Variants in ATXN1 observed in about 807,000 individuals in gnomAD.
The protein encoded by ATXN1 is ataxin 1.
Under a neutral mutation model 56.4 loss-of-function variants are expected in ATXN1, and 8 were observed. The ratio of observed to expected loss-of-function variants is 0.14; its 90% CI spans 0.08 to 0.26. The LOEUF is 0.26. Among genes scored for constraint, ATXN1 ranks in the 10% least tolerant of loss-of-function variants. The probability of loss-of-function intolerance (pLI) is 1.00; values close to 1 mark genes in which losing one functional copy is unlikely to be tolerated. For synonymous variants in ATXN1, 514 were observed against 494.6 expected (o/e 1.04, Z -0.52); for missense variants, 987 against 1,106.5 (o/e 0.89, Z 1.53).
At chr6:16,616,187 A>G (rs1005766254) in intron 3 of ATXN1, 1 of 152,154 alleles carries the variant, frequency 6.6e-6, no homozygotes, top group African/African-American at 2.4e-5. Context: ...TGGAAATGTT[A>G]TTGTCTACTT....
At chr6:16,619,906 A>C (rs1417899573) in intron 3 of ATXN1, among the ~76,000 whole-genome samples, 6 of 151,516 alleles carry the variant, frequency 4.0e-5, no homozygotes, top group Non-Finnish European at 7.4e-5. Flanking sequence ...AAAAAAAAAA[A>C]CATAGCTCTA....
intron 2 of ATXN1, among the ~76,000 whole-genome samples, chr6:16,674,797 T>C (rs921668894): frequency 2.6e-5 from 4 of 152,066 alleles, no homozygotes; most frequent in Admixed American, 6.6e-5. Context: ...AAACAGATGG[T>C]TTGGAATGAG....
chr6:16,568,664 T>G (rs1263061461), intron 4 of ATXN1, among the ~76,000 whole-genome samples: 2 of 48,390 alleles, frequency 4.1e-5, no homozygotes, highest in South Asian at 3.8e-3. Flanking sequence ...ACAACCAAAG[T>G]TTTTTTTTTC....
At chr6:16,309,782 C>G (rs1450123671) in intron 7 of ATXN1, among the ~76,000 whole-genome samples, 2 of 151,994 alleles carry the variant, frequency 1.3e-5, no homozygotes, top group African/African-American at 2.4e-5. Flanking sequence ...GCCTGTAATC[C>G]CAGCACTTTG....
chr6:16,515,352 C>A (rs187827803), intron 5 of ATXN1, among the ~76,000 whole-genome samples: 1 of 152,102 alleles, frequency 6.6e-6, no homozygotes, highest in Non-Finnish European at 1.5e-5. Flanking sequence ...TGACTGCCAA[C>A]CCCCAGTTCA....
intron 1 of ATXN1, among the ~76,000 whole-genome samples, chr6:16,757,224 G>A (rs1760913052): frequency 6.6e-6 from 1 of 152,202 alleles, no homozygotes; most frequent in Non-Finnish European, 1.5e-5. Context: ...TTGACAAAGT[G>A]TCACTTCTGT....
intron 6 of ATXN1, among the ~76,000 whole-genome samples, chr6:16,348,419 G>A (rs72840246): frequency 2.6e-5 from 4 of 152,012 alleles, no homozygotes; most frequent in African/African-American, 9.7e-5. Flanking sequence ...ATAGTATGGC[G>A]AGGCACGGTG....
At position 16,448,204 on chromosome 6, in the gene ATXN1, G is replaced by A. The variant is rs144861023; in HGVS notation, c.-161+37768C>T. ...CCCTATGTTCTGCTCCAGCATAGTGGCCTCCACACTCCCTTCCACATCCAG... is the reference window on the plus strand; with the variant it reads ...CCCTATGTTCTGCTCCAGCATAGTGACCTCCACACTCCCTTCCACATCCAG... On this transcript the variant is annotated intron_variant, in intron 6 of 7. Coordinates refer to ENST00000436367, the MANE Select transcript of ATXN1 (RefSeq NM_001128164.2). 3.0e-3 allele frequency among the ~76,000 whole-genome samples: 455 copies of A among 152,100 alleles called. 2 individuals are homozygous for A. The highest frequency in any genetic ancestry group is 9.9e-3 in the African/African-American group (409 of 41,482).
At chr6:16,594,487 A>AT (rs1233662249) in intron 3 of ATXN1, among the ~76,000 whole-genome samples, 49 of 126,932 alleles carry the variant, frequency 3.9e-4, no homozygotes, top group African/African-American at 1.5e-3. Flanking sequence ...TTTTTTTTTT[A>AT]TTTATTTATT....
intron 4 of ATXN1, among the ~76,000 whole-genome samples, chr6:16,581,195 CTGTGTGTGTGTGTG>C (rs60028007): frequency 4.3e-5 from 6 of 140,160 alleles, no homozygotes; most frequent in Admixed American, 1.4e-4. Context: ...CGAGAATGCA[CTGTGTGTGTGTGTG>C]TGTGTGTGTG....
chr6:16,355,702 T>C (rs1428246139), intron 6 of ATXN1, among the ~76,000 whole-genome samples: 2 of 152,160 alleles, frequency 1.3e-5, no homozygotes, highest in African/African-American at 4.8e-5. Context: ...GCTGGGATTA[T>C]AGGCATGCGC....
At chr6:16,428,285 A>G (rs1759201639) in intron 6 of ATXN1, among the ~76,000 whole-genome samples, 1 of 151,618 alleles carries the variant, frequency 6.6e-6, no homozygotes, top group South Asian at 2.1e-4. Context: ...TGCCCAGCAC[A>G]TTTTTGTGTT....
rs1220298415 is a variant in ATXN1 at position 16,410,724 on chromosome 6, A to G, written c.-161+75248T>C. ...CTACAAGCTTGTCAGAATTACATCT[A>G]TTCAGGTCATATACAACATCCGTGG... is the stretch of plus-strand genomic sequence containing the variant. On this transcript the variant is annotated intron_variant, in intron 6 of 7. Coordinates refer to ENST00000436367, the MANE Select transcript of ATXN1 (RefSeq NM_001128164.2). This position sits in a 1 kb window ranked among gnomAD's most constrained non-coding sequence, Gnocchi z 4.6. Among the ~76,000 whole-genome samples the G allele has an allele frequency of 6.6e-6, 1 of 152,224 alleles. No individual in the cohort carries two copies. The highest frequency in any genetic ancestry group is 1.9e-4 in the East Asian group (1 of 5,200).
chr6:16,661,866 C>T (rs945014537), intron 2 of ATXN1, among the ~76,000 whole-genome samples: 1 of 152,144 alleles, frequency 6.6e-6, no homozygotes, highest in Non-Finnish European at 1.5e-5. Context: ...GAAACGTCAG[C>T]CCAGGTTAAC....
chr6:16,396,383 C>T (rs942230706), intron 6 of ATXN1, among the ~76,000 whole-genome samples: 2 of 152,066 alleles, frequency 1.3e-5, no homozygotes, highest in African/African-American at 4.8e-5. Context: ...TGCGCGAAAC[C>T]AGCCTGGGCA....
At chr6:16,425,171 G>A (rs886787473) in intron 6 of ATXN1, among the ~76,000 whole-genome samples, 1 of 152,134 alleles carries the variant, frequency 6.6e-6, no homozygotes, top group African/African-American at 2.4e-5. Context: ...CTGTGAAACA[G>A]AGCACAAATT....
intron 6 of ATXN1, among the ~76,000 whole-genome samples, chr6:16,424,212 C>T (rs578015789): frequency 6.6e-6 from 1 of 152,282 alleles, no homozygotes; most frequent in East Asian, 1.9e-4. Flanking sequence ...ATGGTTGCTA[C>T]AACATCATTG....
At chr6:16,398,734 T>C (rs985346373) in intron 6 of ATXN1, among the ~76,000 whole-genome samples, 3 of 152,232 alleles carry the variant, frequency 2.0e-5, no homozygotes, top group African/African-American at 7.2e-5. Context: ...TCTAAAATGA[T>C]TTTATGACTA....
At chr6:16,683,269 G>A (rs758502797) in intron 2 of ATXN1, among the ~76,000 whole-genome samples, 7 of 152,198 alleles carry the variant, frequency 4.6e-5, no homozygotes, top group African/African-American at 1.4e-4. Context: ...AACAACCTAT[G>A]AGAGAAAGAT....
Sources: gnomAD v4.1 joint callset for allele counts (sites outside exome capture counted in the v4.1 genomes callset) on GRCh38, gnomAD v4.1.1 for gene constraint, Gnocchi (gnomAD v3.1) non-coding constraint, MANE v1.5 for transcripts, NCBI Gene and HGNC (gene_info 2026-07-23, HGNC 2026-07-21) for gene names.